The following NDUFB1 variants were observed in gnomAD, a reference collection of about 807,000 sequenced individuals.
NDUFB1 encodes NADH dehydrogenase [ubiquinone] 1 beta subcomplex subunit 1.
Under a neutral mutation model 6.7 loss-of-function variants are expected in NDUFB1, and 6 were observed. The ratio of observed to expected loss-of-function variants is 0.89; its 90% CI spans 0.49 to 1.76. NDUFB1 has a LOEUF of 1.76. Ranked by LOEUF, NDUFB1 falls within the 40% of genes most tolerant of loss-of-function variation. The probability of loss-of-function intolerance (pLI) is 0.01; values close to 1 mark genes in which losing one functional copy is unlikely to be tolerated. For synonymous variants in NDUFB1, 17 were observed against 22.9 expected, an observed-to-expected ratio of 0.74 and a Z score of 0.74; for missense variants, 56 against 71.0, an observed-to-expected ratio of 0.79 and a Z score of 0.76.
Position 92,116,586 on chromosome 14 carries a change from C to T in NDUFB1, c.141-357G>A, listed in dbSNP as rs986779436. ...CTGACCTCAAGGAATCCACCTGCCT[C>T]GGCCTCCCAAAGTGCTAGGATTACA... On this transcript the variant is annotated intron_variant, in intron 2 of 2. Coordinates refer to ENST00000605997, the MANE Select transcript of NDUFB1 (RefSeq NM_004545.4). Among the ~76,000 whole-genome samples, 5 of 151,894 alleles carry T rather than the reference C, an allele frequency of 3.3e-5. No homozygotes were observed. The South Asian group carries it at 6.2e-4, about 19-fold the overall frequency.
At position 92,121,679 on chromosome 14, in the gene NDUFB1, G is replaced by C. The variant is rs758520258; in HGVS notation, c.-43C>G. ...CGCCTACAGCGACCCCGAGACCAAG[G>C]GCAACAGGGAACTCAACCCGCGCCA... is the stretch of plus-strand genomic sequence containing the variant. On this transcript the variant is annotated 5_prime_UTR_variant, in exon 1 of 3. Transcript: ENST00000605997. The C allele has an allele frequency of 2.5e-6, 4 of 1,613,558 alleles. No individual in the cohort carries two copies. The highest frequency in any genetic ancestry group is 3.4e-6 in the Non-Finnish European group (4 of 1,179,962).
At chr14:92,121,594 G>T in intron 1 of NDUFB1, 48 bp downstream of exon 1, 1 of 1,609,754 alleles carries the variant, frequency 6.2e-7, no homozygotes. Flanking sequence ...CCCCGCCACC[G>T]TCGCCGTGAT....
At chr14:92,119,110 G>C (rs1351693564) in intron 1 of NDUFB1, 1 of 176,546 alleles carries the variant, frequency 5.7e-6, no homozygotes, top group African/African-American at 2.4e-5. Context: ...CTAGGAGCTT[G>C]AGACTAGCCT....
chr14:92,119,252 C>T (rs945632422), intron 1 of NDUFB1, among the ~76,000 whole-genome samples: 43 of 147,982 alleles, frequency 2.9e-4, no homozygotes, highest in African/African-American at 1.0e-3. Context: ...ACGGAGGTTG[C>T]AATGACCTGA....
At position 92,117,868 on chromosome 14, in the gene NDUFB1, C is replaced by T. The variant is rs574949948; in HGVS notation, c.-5-226G>A. On this transcript the variant is annotated intron_variant, in intron 1 of 2. Transcript: ENST00000605997. ...CAAAAATTAGCCGGGTGTGGTGGTG[C>T]GCGTCTGTTATCCCAGCTACTGGAG... 5 of 482,146 alleles carry T rather than the reference C, an allele frequency of 1.0e-5. No individual in the cohort carries two copies. In the East Asian group the frequency reaches 1.6e-4, roughly 16 times the overall value. 29.9% of individuals were successfully genotyped at this position (482,146 alleles called of 1,614,324 possible). A position where few individuals can be genotyped will look rare whatever the true frequency, so the allele number is the denominator to read the frequency against.
Position 92,117,660 on chromosome 14 carries a change from T to C in NDUFB1, c.-5-18A>G. On this transcript the variant is annotated intron_variant, in intron 1 of 2. Coordinates refer to ENST00000605997, the MANE Select transcript of NDUFB1 (RefSeq NM_004545.4). ...CATGATAGCTAAAAGAAAAAAAAAT[T>C]ATCAGAAATACAACTGCTTTGTTTT... 6.2e-7 allele frequency: 1 copy of C among 1,605,326 alleles called. No homozygotes were observed. Among genetic ancestry groups the C allele is most frequent in the Non-Finnish European group, 8.5e-7 (1 of 1,177,700 alleles).
chr14:92,120,908 T>C (rs948636898), intron 1 of NDUFB1, among the ~76,000 whole-genome samples: 4 of 148,460 alleles, frequency 2.7e-5, no homozygotes, highest in African/African-American at 9.8e-5. Flanking sequence ...ACGCCTGTAA[T>C]CCCAGCACTT....
intron 2 of NDUFB1, among the ~76,000 whole-genome samples, chr14:92,116,534 C>T (rs185559847): frequency 6.6e-6 from 1 of 151,886 alleles, no homozygotes; most frequent in East Asian, 1.9e-4. Flanking sequence ...GGGGTTTCAC[C>T]ATGTTGGCCA....
chr14:92,119,807 G>T (rs1016655084), intron 1 of NDUFB1, among the ~76,000 whole-genome samples: 4 of 151,746 alleles, frequency 2.6e-5, no homozygotes, highest in African/African-American at 4.8e-5. Flanking sequence ...TGTCACCTAG[G>T]ATGGAGTGCA....
Position 92,117,479 on chromosome 14 carries a change from T to TA in NDUFB1, c.140+18dup. On this transcript the variant is annotated intron_variant, in intron 2 of 2. Transcript: ENST00000605997. Reference sequence around the variant, plus strand: ...CCCCAAATTTGGCCAATTGCTGGTTTAAAAAAATGCAGACTAACCTTTTAA... The same window carrying TA: ...CCCCAAATTTGGCCAATTGCTGGTTTAAAAAAAATGCAGACTAACCTTTTAA... The TA allele has an allele frequency of 1.9e-6, 3 of 1,611,940 alleles. No homozygotes were observed. The highest frequency in any genetic ancestry group is 4.5e-5 in the East Asian group (2 of 44,868).
chr14:92,116,202 G>C lies in NDUFB1; in HGVS notation c.168C>G (p.Thr56=), dbSNP rs778416469. 3 of 1,612,670 alleles carry C rather than the reference G, an allele frequency of 1.9e-6. No homozygotes were observed. The African/African-American group carries it at 4.0e-5, about 22-fold the overall frequency. Residue 56 remains threonine, a synonymous_variant, in exon 3 of 3, where the codon ACC becomes ACG. Transcript: ENST00000605997. ...KRELQPSEEV[T]WK is the part of the protein sequence containing the mutation. Reference sequence around the variant, plus strand: ...ATAATCTAGCCAGTCTTTACTTCCAGGTAACTTCTTCACTGGGTTGCAATT... The same window carrying C: ...ATAATCTAGCCAGTCTTTACTTCCACGTAACTTCTTCACTGGGTTGCAATT...
rs758520258 is a variant in NDUFB1 at position 92,121,679 on chromosome 14, G to A, written c.-43C>T. On this transcript the variant is annotated 5_prime_UTR_variant, in exon 1 of 3. Transcript: ENST00000605997. ...CGCCTACAGCGACCCCGAGACCAAG[G>A]GCAACAGGGAACTCAACCCGCGCCA... 5 of 1,613,676 alleles carry A rather than the reference G, an allele frequency of 3.1e-6. No homozygotes were observed. Among genetic ancestry groups the A allele is most frequent in the South Asian group, 2.2e-5 (2 of 91,078 alleles).
chr14:92,120,459 T>A (rs2068748613), intron 1 of NDUFB1: 1 of 151,408 alleles, frequency 6.6e-6, no homozygotes, highest in Non-Finnish European at 1.5e-5. Context: ...CAAGGGATTC[T>A]CCTACCTCAG....
chr14:92,121,186 G>C (rs1156504544), intron 1 of NDUFB1: 2 of 199,106 alleles, frequency 1.0e-5, no homozygotes, highest in Non-Finnish European at 2.1e-5. Context: ...CAAAGTAAAA[G>C]GGTAAGCACA....
At chr14:92,121,427 C>G (rs1047301283) in intron 1 of NDUFB1, 1 of 710,012 alleles carries the variant, frequency 1.4e-6, no homozygotes, top group Non-Finnish European at 2.3e-6. Context: ...TTATGACAGC[C>G]TCAGAAAACC....
At chr14:92,118,602 GAAATT>G (rs1168424803) in intron 1 of NDUFB1, 1 of 152,120 alleles carries the variant, frequency 6.6e-6, no homozygotes, top group Non-Finnish European at 1.5e-5. Flanking sequence ...ATTTAGAAAG[GAAATT>G]AAAAGATATG....
intron 1 of NDUFB1, among the ~76,000 whole-genome samples, chr14:92,119,359 C>T (rs1402203973): frequency 6.6e-6 from 1 of 151,648 alleles, no homozygotes; most frequent in Non-Finnish European, 1.5e-5. Flanking sequence ...GAGCCATCAT[C>T]TATTTCTATA....
Position 92,121,625 on chromosome 14 carries a change from G to T in NDUFB1, c.-6+17C>A, listed in dbSNP as rs778046474. On this transcript the variant is annotated intron_variant, in intron 1 of 2. Transcript: ENST00000605997. The stretch of plus-strand genomic sequence containing the variant: ...GTGATCCTCGTCGCGGCGGCCCCCC[G>T]GGCTCCCCAAACCCACCTGCAGCCT... The T allele has an allele frequency of 1.2e-6, 2 of 1,611,532 alleles. No individual in the cohort carries two copies. Among genetic ancestry groups the T allele is most frequent in the Non-Finnish European group, 8.5e-7 (1 of 1,179,606 alleles).
At chr14:92,116,485 C>T (rs1369872682) in intron 2 of NDUFB1, among the ~76,000 whole-genome samples, 1 of 151,568 alleles carries the variant, frequency 6.6e-6, no homozygotes, top group African/African-American at 2.4e-5. Context: ...AGCTGTGTGC[C>T]ACCACACCGA....
Sources: gnomAD v4.1 joint callset for allele counts (sites outside exome capture counted in the v4.1 genomes callset) on GRCh38, gnomAD v4.1.1 for gene constraint, MANE v1.5 for transcripts, NCBI Gene and HGNC (gene_info 2026-07-23, HGNC 2026-07-21) for gene names.